ADK: variants seen among roughly 807,000 people sequenced by gnomAD.
ADK encodes the protein N6,N6-dimethyladenosine kinase.
In ADK, 24 loss-of-function variants were observed where a neutral mutation model predicts 44.7. That is an observed-to-expected ratio of 0.54 (90% confidence interval 0.39 to 0.76). ADK has a LOEUF of 0.76. Ranked by LOEUF, ADK falls within the 30% of genes least tolerant of loss-of-function variation. The pLI is 0.00. For synonymous variants in ADK, 128 were observed against 142.6 expected, an observed-to-expected ratio of 0.90 and a Z score of 0.73; for missense variants, 321 against 425.1, an observed-to-expected ratio of 0.76 and a Z score of 2.15.
At chr10:74,555,112 C>G (rs1850191556) in intron 7 of ADK, among the ~76,000 whole-genome samples, 1 of 152,118 alleles carries the variant, frequency 6.6e-6, no homozygotes, top group Non-Finnish European at 1.5e-5. Flanking sequence ...GCCTGGGCAA[C>G]ATAGGGAGAC....
chr10:74,555,334 G>A (rs894038337), intron 7 of ADK, among the ~76,000 whole-genome samples: 2 of 152,082 alleles, frequency 1.3e-5, no homozygotes, highest in African/African-American at 2.4e-5. Context: ...TGATTAAACT[G>A]ATTAACTGTT....
chr10:74,177,938 TATA>T (rs1234723230), intron 1 of ADK, among the ~76,000 whole-genome samples: 15 of 95,462 alleles, frequency 1.6e-4, no homozygotes, highest in African/African-American at 4.5e-4. Context: ...TATATATATA[TATA>T]TATATTTTTT....
chr10:74,440,759 A>G (rs1845378547), intron 6 of ADK, among the ~76,000 whole-genome samples: 1 of 152,094 alleles, frequency 6.6e-6, no homozygotes, highest in African/African-American at 2.4e-5. Flanking sequence ...TATGCTTATC[A>G]TTTTTCCAAA....
intron 1 of ADK, among the ~76,000 whole-genome samples, chr10:74,185,509 G>T (rs1441991274): frequency 6.9e-6 from 1 of 145,492 alleles, no homozygotes; most frequent in Non-Finnish European, 1.5e-5. Flanking sequence ...AAAAAAAAAT[G>T]CCAACAATAT....
At chr10:74,288,375 C>T (rs902164736) in intron 3 of ADK, among the ~76,000 whole-genome samples, 20 of 152,068 alleles carry the variant, frequency 1.3e-4, no homozygotes, top group African/African-American at 4.4e-4. Context: ...ATAGGCTGAG[C>T]GCAGTGGCTC....
In ADK at chr10:74,309,304, C is replaced by T. The variant is rs112397931; in HGVS notation, c.195-5363C>T. 5.2e-3 allele frequency among the ~76,000 whole-genome samples: 796 copies of T among 152,174 alleles called. 12 individuals are homozygous for T. The highest frequency in any genetic ancestry group is 0.017 in the African/African-American group (722 of 41,550). On this transcript the variant is annotated intron_variant, in intron 3 of 10. Transcript: ENST00000539909. ...TAAAAGTAATACATTTAGTTTCCAA[C>T]CACAAAGTGTTTAATTCTACATATT... is the stretch of plus-strand genomic sequence containing the variant.
intron 6 of ADK, among the ~76,000 whole-genome samples, chr10:74,458,339 A>G (rs1457930845): frequency 1.1e-5 from 1 of 89,244 alleles, no homozygotes. Flanking sequence ...GGGGTTTTCT[A>G]TGTTACTCAG....
At chr10:74,518,924 T>A (rs973499197) in intron 6 of ADK, among the ~76,000 whole-genome samples, 1 of 152,094 alleles carries the variant, frequency 6.6e-6, no homozygotes, top group Non-Finnish European at 1.5e-5. Flanking sequence ...ATAAGCATTT[T>A]CTACTTTACT....
At chr10:74,551,628 A>G (rs902827910) in intron 7 of ADK, 1 of 152,240 alleles carries the variant, frequency 6.6e-6, no homozygotes, top group Non-Finnish European at 1.5e-5. Flanking sequence ...ACAGAGGACT[A>G]GTGGAAGAAA....
In ADK at chr10:74,177,945, A is replaced by ATATATATATATATTT. The variant is rs10693309; in HGVS notation, c.66-22818_66-22817insATATATATATATTTT. On this transcript the variant is annotated intron_variant, in intron 1 of 10. Coordinates refer to ENST00000539909, the MANE Select transcript of ADK (RefSeq NM_006721.4). ...TAATTATATATATATATATATATAT[A>ATATATATATATATTT]TTTTTTTTTTTTTGAGACAGAGTTT... 8.3e-5 allele frequency among the ~76,000 whole-genome samples: 9 copies of ATATATATATATATTT among 109,008 alleles called. No individual in the cohort carries two copies. The South Asian group carries it at 8.5e-4, about 10-fold the overall frequency. The allele number at this position is 109,008 out of a possible 152,430, so 71.5% of individuals were successfully genotyped here.
chr10:74,541,848 T>C (rs1849651540), intron 7 of ADK, among the ~76,000 whole-genome samples: 1 of 143,962 alleles, frequency 6.9e-6, no homozygotes, highest in African/African-American at 2.6e-5. Flanking sequence ...TGTGTCTTTT[T>C]TCATGCGTTA....
intron 9 of ADK, among the ~76,000 whole-genome samples, chr10:74,602,045 T>C (rs2133968829): frequency 7.0e-6 from 1 of 143,862 alleles, no homozygotes; most frequent in Non-Finnish European, 1.5e-5. Flanking sequence ...TTCGAGGCTG[T>C]GTTGAGCTAT....
chr10:74,403,677 C>T (rs760750282), intron 6 of ADK, among the ~76,000 whole-genome samples: 10 of 152,086 alleles, frequency 6.6e-5, no homozygotes, highest in Non-Finnish European at 1.0e-4. Context: ...AATGGAATTC[C>T]CCAACCCCTT....
chr10:74,253,246 G>T (rs938106837), intron 3 of ADK, among the ~76,000 whole-genome samples: 1 of 152,256 alleles, frequency 6.6e-6, no homozygotes, highest in Non-Finnish European at 1.5e-5. Flanking sequence ...TACCCCGTAG[G>T]CAGAGAGTAG....
At chr10:74,684,132 A>G (rs1385307414) in intron 10 of ADK, among the ~76,000 whole-genome samples, 3 of 152,232 alleles carry the variant, frequency 2.0e-5, no homozygotes, top group Non-Finnish European at 4.4e-5. Context: ...AAGCCATCAG[A>G]GGATAATTAG....
At chr10:74,645,845 G>A (rs2134112810) in intron 9 of ADK, among the ~76,000 whole-genome samples, 1 of 152,268 alleles carries the variant, frequency 6.6e-6, no homozygotes, top group South Asian at 2.1e-4. Flanking sequence ...TGCAAATTGT[G>A]CCAGTTCAGC....
intron 9 of ADK, among the ~76,000 whole-genome samples, chr10:74,643,141 C>T (rs1853931127): frequency 6.6e-6 from 1 of 152,096 alleles, no homozygotes; most frequent in African/African-American, 2.4e-5. Flanking sequence ...CATGCTTAGC[C>T]TAAATCCTAA....
At chr10:74,689,356 T>C (rs1364438697) in intron 10 of ADK, among the ~76,000 whole-genome samples, 1 of 152,178 alleles carries the variant, frequency 6.6e-6, no homozygotes, top group Non-Finnish European at 1.5e-5. Context: ...TTGTACTAAG[T>C]AGTTATAGTA....
chr10:74,345,666 G>T (rs1841740965), intron 4 of ADK, among the ~76,000 whole-genome samples: 1 of 152,110 alleles, frequency 6.6e-6, no homozygotes, highest in Non-Finnish European at 1.5e-5. Context: ...TATCTACAGT[G>T]TGTCTCCTGT....
Sources: gnomAD v4.1 joint callset for allele counts (sites outside exome capture counted in the v4.1 genomes callset) on GRCh38, gnomAD v4.1.1 for gene constraint, MANE v1.5 for transcripts, NCBI Gene and HGNC (gene_info 2026-07-23, HGNC 2026-07-21) for gene names.